The following SOX6 variants were observed in gnomAD, a reference collection of about 807,000 sequenced individuals.
SOX6 encodes SRY-box transcription factor 6.
SOX6 carries 11 observed loss-of-function variants against 97.8 expected under a neutral mutation model. That is an observed-to-expected ratio of 0.11 (90% CI 0.07 to 0.19). The LOEUF is 0.19. Among genes scored for constraint, SOX6 ranks in the 10% least tolerant of loss-of-function variants. The pLI is 1.00. For missense variants in SOX6, 810 were observed against 1,039.5 expected (o/e 0.78, Z 3.04); for synonymous variants, 360 against 371.4 (o/e 0.97, Z 0.35).
rs761435639 is a variant in SOX6, at chr11:16,714,451, C to CTTTTTTT, written n.429+372_429+378dup. Reference sequence around the variant, plus strand: ...CCAAATGTGTCTTTTAATTTTCTTTCTTTTTTTTTTTTTTTTTTTTCAGAC... The same window carrying CTTTTTTT: ...CCAAATGTGTCTTTTAATTTTCTTTCTTTTTTTTTTTTTTTTTTTTTTTTTTTCAGAC... On this transcript the variant is annotated intron_variant and non_coding_transcript_variant, in intron 3 of 5. Coordinates refer to the SOX6 transcript ENST00000524520. Among the ~76,000 whole-genome samples the CTTTTTTT allele has an allele frequency of 5.9e-3, 690 of 116,320 alleles. 10 individuals carry two copies. Among genetic ancestry groups the CTTTTTTT allele is most frequent in the African/African-American group, 0.021 (652 of 31,038 alleles). The allele number at this position is 116,320 out of a possible 152,430, so 76.3% of individuals were successfully genotyped here.
chr11:16,673,107 T>G (rs1398286472), intron 3 of SOX6, among the ~76,000 whole-genome samples: 1 of 151,740 alleles, frequency 6.6e-6, no homozygotes, highest in East Asian at 1.9e-4. Context: ...TGGAATACAG[T>G]GAAAGTGAAA....
At chr11:16,252,513 G>C (rs1244150179) in intron 3 of SOX6, 1 of 152,262 alleles carries the variant, frequency 6.6e-6, no homozygotes, top group East Asian at 1.9e-4. Flanking sequence ...GTCAAAAGGG[G>C]ATGGCCACAC....
intron 1 of SOX6, among the ~76,000 whole-genome samples, chr11:16,365,320 T>C (rs1366008142): frequency 1.3e-5 from 2 of 149,356 alleles, no homozygotes; most frequent in East Asian, 4.1e-4. Flanking sequence ...TGTGTGTGCA[T>C]GCACGTGTGT....
At chr11:16,051,585 T>G (rs187700004) in intron 10 of SOX6, among the ~76,000 whole-genome samples, 2 of 152,286 alleles carry the variant, frequency 1.3e-5, no homozygotes, top group East Asian at 3.9e-4. Flanking sequence ...TCTTATGTAG[T>G]TAATTTCAAT....
intron 3 of SOX6, among the ~76,000 whole-genome samples, chr11:16,630,555 G>A (rs892509592): frequency 1.1e-4 from 16 of 152,112 alleles, no homozygotes; most frequent in Admixed American, 9.8e-4. Context: ...TGAGAAGACT[G>A]TATACTCTGT....
chr11:16,145,742 C>T (rs1850275328), intron 6 of SOX6, among the ~76,000 whole-genome samples: 1 of 152,124 alleles, frequency 6.6e-6, no homozygotes, highest in Non-Finnish European at 1.5e-5. Context: ...GAGTGAACTC[C>T]CATTCACAAT....
intron 4 of SOX6, among the ~76,000 whole-genome samples, chr11:16,532,471 A>G (rs1417145736): frequency 1.3e-5 from 2 of 151,918 alleles, no homozygotes; most frequent in Non-Finnish European, 2.9e-5. Flanking sequence ...TGCTTAATAT[A>G]CAATTATATC....
At chr11:16,451,176 G>A (rs1006078736) in intron 1 of SOX6, among the ~76,000 whole-genome samples, 2 of 150,436 alleles carry the variant, frequency 1.3e-5, no homozygotes, top group East Asian at 4.0e-4. Flanking sequence ...AGGTTGCAGT[G>A]AGCCGAGATC....
At chr11:15,985,069 G>A (rs11023812) in intron 15 of SOX6, among the ~76,000 whole-genome samples, 10,513 of 152,120 alleles carry the variant, frequency 0.069, 409 homozygotes, top group Non-Finnish European at 0.094. Context: ...CAAAGCCCAC[G>A]CTCCTCCCGA....
At chr11:15,991,362 A>G (rs1251784387) in intron 13 of SOX6, among the ~76,000 whole-genome samples, 1 of 152,198 alleles carries the variant, frequency 6.6e-6, no homozygotes, top group Non-Finnish European at 1.5e-5. Context: ...ACACAGGGCA[A>G]TATGCTGACT....
intron 3 of SOX6, among the ~76,000 whole-genome samples, chr11:16,659,116 C>T (rs892687852): frequency 2.0e-5 from 3 of 152,120 alleles, no homozygotes; most frequent in Non-Finnish European, 2.9e-5. Context: ...ACGGCCAGAG[C>T]CAAGGTCACC....
rs192961752 is a variant in SOX6, at chr11:16,608,754, G to A, written n.609+3327C>T. On this transcript the variant is annotated intron_variant and non_coding_transcript_variant, in intron 4 of 5. Coordinates refer to the SOX6 transcript ENST00000524520. ...CACCAAAAAATTATTACACTTTCACGGCAATAAATAAAACAATTCCACAAT... is the reference window on the plus strand; with the variant it reads ...CACCAAAAAATTATTACACTTTCACAGCAATAAATAAAACAATTCCACAAT... 7.2e-5 allele frequency among the ~76,000 whole-genome samples: 11 copies of A among 152,210 alleles called. No homozygotes were observed. In the East Asian group the frequency reaches 1.7e-3, roughly 24 times the overall value.
intron 3 of SOX6, among the ~76,000 whole-genome samples, chr11:16,238,275 A>C (rs1853084252): frequency 6.6e-6 from 1 of 151,956 alleles, no homozygotes; most frequent in South Asian, 2.1e-4. Flanking sequence ...TTCCCTTTTC[A>C]AATTAAAGCT....
chr11:16,279,057 A>G (rs996667660), intron 3 of SOX6, among the ~76,000 whole-genome samples: 1 of 152,134 alleles, frequency 6.6e-6, no homozygotes. Context: ...TCTGTCTACA[A>G]CGAAACTGCA....
At chr11:16,438,355 A>C (rs972368338) in intron 1 of SOX6, among the ~76,000 whole-genome samples, 7 of 152,148 alleles carry the variant, frequency 4.6e-5, no homozygotes, top group African/African-American at 1.7e-4. Flanking sequence ...TAAGAGAAAA[A>C]ATTTCAAAAT....
chr11:16,004,683 C>G (rs1326906787), intron 13 of SOX6, among the ~76,000 whole-genome samples: 1 of 151,904 alleles, frequency 6.6e-6, no homozygotes, highest in African/African-American at 2.4e-5. Flanking sequence ...GTTTCCATTT[C>G]TAATTAAAAT....
chr11:16,322,571 G>C (rs955664706), intron 2 of SOX6, among the ~76,000 whole-genome samples: 1 of 152,132 alleles, frequency 6.6e-6, no homozygotes, highest in Non-Finnish European at 1.5e-5. Flanking sequence ...AAGTCTTAAT[G>C]CATGTCACTG....
At position 15,967,305 on chromosome 11, in the gene SOX6, ACAACAGAGTTGCAGTTGTCC is replaced by A. The variant is rs1408596406; in HGVS notation, c.*5484_*5503del. On this transcript the variant is annotated 3_prime_UTR_variant, in exon 16 of 16. Transcript: ENST00000683767. ...ATAGGAACCAAAGCACAGTACCTTG[ACAACAGAGTTGCAGTTGTCC>A]CAACAGCCCTACACAAACTTTACAC... 6.6e-6 allele frequency: 1 copy of A among 152,240 alleles called. No homozygotes were observed. Among genetic ancestry groups the A allele is most frequent in the Non-Finnish European group, 1.5e-5 (1 of 68,048 alleles). 9.4% of individuals were successfully genotyped at this position (152,240 alleles called of 1,614,324 possible).
rs374728623 is a variant in SOX6 at position 16,698,210 on chromosome 11, T to C, written n.429+16620A>G. On this transcript the variant is annotated intron_variant and non_coding_transcript_variant, in intron 3 of 5. Coordinates refer to the SOX6 transcript ENST00000524520. ...TCTGTAGTTAGTGTAGTCACCTTCA[T>C]CATGATCTTAGCTAGATCTTCTGGG... is the stretch of plus-strand genomic sequence containing the variant. Among the ~76,000 whole-genome samples the C allele has an allele frequency of 1.4e-4, 22 of 152,356 alleles. No homozygotes were observed. The South Asian group carries it at 1.7e-3, about 11-fold the overall frequency.
Sources: gnomAD v4.1 joint callset for allele counts (sites outside exome capture counted in the v4.1 genomes callset) on GRCh38, gnomAD v4.1.1 for gene constraint, MANE v1.5 for transcripts, NCBI Gene and HGNC (gene_info 2026-07-23, HGNC 2026-07-21) for gene names.